TMEM108: variants seen among roughly 807,000 people sequenced by gnomAD.
TMEM108 encodes the protein transmembrane protein 108.
Under a neutral mutation model 35.1 loss-of-function variants are expected in TMEM108, and 12 were observed. That is an observed-to-expected ratio of 0.34 (90% CI 0.22 to 0.55). The LOEUF is 0.55. TMEM108 is among the 20% of genes least tolerant of loss of function. The probability of loss-of-function intolerance (pLI) is 0.89; values close to 1 mark genes in which losing one functional copy is unlikely to be tolerated. For synonymous variants in TMEM108, 287 were observed against 308.6 expected, an observed-to-expected ratio of 0.93 and a Z score of 0.73; for missense variants, 680 against 753.3, an observed-to-expected ratio of 0.90 and a Z score of 1.14.
At position 133,375,908 on chromosome 3, in the gene TMEM108, C is replaced by A. The variant is rs114756307; in HGVS notation, c.41-3844C>A. Among the ~76,000 whole-genome samples, 989 of 152,294 alleles carry A rather than the reference C, an allele frequency of 6.5e-3. 8 individuals carry two copies. The highest frequency in any genetic ancestry group is 0.021 in the African/African-American group (893 of 41,548). On this transcript the variant is annotated intron_variant, in intron 3 of 5. Transcript: ENST00000321871. Reference sequence around the variant, plus strand: ...AGGTGAAATGCCAGATCCCCTCTCACTGTAACATGTAAACATCATCCTCCA... The same window carrying A: ...AGGTGAAATGCCAGATCCCCTCTCAATGTAACATGTAAACATCATCCTCCA...
chr3:133,359,201 T>G (rs144584129), intron 3 of TMEM108, among the ~76,000 whole-genome samples: 1,693 of 152,336 alleles, frequency 0.011, 28 homozygotes, highest in African/African-American at 0.039. Context: ...ATTCTCATTC[T>G]GCAAAATGTT....
intron 3 of TMEM108, among the ~76,000 whole-genome samples, chr3:133,278,579 G>A (rs1478567007): frequency 1.3e-5 from 2 of 152,096 alleles, no homozygotes; most frequent in African/African-American, 4.8e-5. Flanking sequence ...AAACCTGTAC[G>A]GCATGTTACT....
chr3:133,067,769 A>G (rs993115902), intron 2 of TMEM108, among the ~76,000 whole-genome samples: 1 of 152,198 alleles, frequency 6.6e-6, no homozygotes, highest in Non-Finnish European at 1.5e-5. Flanking sequence ...GCTGAGATGA[A>G]TAACATGGAA....
intron 3 of TMEM108, among the ~76,000 whole-genome samples, chr3:133,361,544 A>G (rs1216854540): frequency 6.6e-6 from 1 of 152,210 alleles, no homozygotes; most frequent in Non-Finnish European, 1.5e-5. Flanking sequence ...CAATCTGGAA[A>G]ATACTTAGTG....
At chr3:133,321,707 C>T (rs2071269867) in intron 3 of TMEM108, among the ~76,000 whole-genome samples, 1 of 152,224 alleles carries the variant, frequency 6.6e-6, no homozygotes, top group East Asian at 1.9e-4. Context: ...AACATTCTAC[C>T]CAATAACTGC....
At chr3:133,326,696 G>A (rs1292518972) in intron 3 of TMEM108, among the ~76,000 whole-genome samples, 1 of 152,162 alleles carries the variant, frequency 6.6e-6, no homozygotes, top group African/African-American at 2.4e-5. Flanking sequence ...CTAAAGGAAG[G>A]AACCGTACTT....
chr3:133,389,640 T>C, intron 4 of TMEM108: 1 of 144,148 alleles, frequency 6.9e-6, no homozygotes, highest in Non-Finnish European at 1.5e-5. Flanking sequence ...GAGCCAAGAT[T>C]GCGCCACTGC....
At chr3:133,217,179 G>A (rs1945921490) in intron 2 of TMEM108, among the ~76,000 whole-genome samples, 1 of 151,946 alleles carries the variant, frequency 6.6e-6, no homozygotes, top group South Asian at 2.1e-4. Context: ...TGTTGTTAGT[G>A]TACAGTGATG....
intron 3 of TMEM108, among the ~76,000 whole-genome samples, chr3:133,276,965 G>A (rs1325312586): frequency 6.6e-6 from 1 of 152,106 alleles, no homozygotes; most frequent in Non-Finnish European, 1.5e-5. Flanking sequence ...CATTCAGTGG[G>A]GTACACTCAG....
chr3:133,146,875 C>T (rs1484686633), intron 2 of TMEM108, among the ~76,000 whole-genome samples: 1 of 152,012 alleles, frequency 6.6e-6, no homozygotes, highest in African/African-American at 2.4e-5. Context: ...ATTAATCTGG[C>T]TAGTGGTCTA....
intron 3 of TMEM108, among the ~76,000 whole-genome samples, chr3:133,251,106 T>C (rs988179387): frequency 2.0e-5 from 3 of 152,194 alleles, no homozygotes; most frequent in African/African-American, 4.8e-5. Flanking sequence ...CCATGATCAG[T>C]CATTCTGTAA....
chr3:133,201,131 C>T (rs550856883), intron 2 of TMEM108, among the ~76,000 whole-genome samples: 3 of 152,256 alleles, frequency 2.0e-5, no homozygotes, highest in South Asian at 2.1e-4. Context: ...CCAGAACTTA[C>T]ATTTTAATTT....
At chr3:133,048,303 C>T (rs1354129605) in intron 2 of TMEM108, among the ~76,000 whole-genome samples, 1 of 152,112 alleles carries the variant, frequency 6.6e-6, no homozygotes, top group South Asian at 2.1e-4. Context: ...ACAGTAAAGA[C>T]CAGAGAATGT....
At chr3:133,106,185 T>C (rs960089759) in intron 2 of TMEM108, among the ~76,000 whole-genome samples, 1 of 151,362 alleles carries the variant, frequency 6.6e-6, no homozygotes, top group Admixed American at 6.6e-5. Context: ...GTTTTTTTTT[T>C]TTTTTTTTTT....
At position 133,158,482 on chromosome 3, in the gene TMEM108, A is replaced by G. The variant is rs552345014; in HGVS notation, c.-46-70784A>G. 3.4e-3 allele frequency among the ~76,000 whole-genome samples: 510 copies of G among 151,710 alleles called. 4 individuals are homozygous for G. The highest frequency in any genetic ancestry group is 0.012 in the African/African-American group (484 of 41,424). On this transcript the variant is annotated intron_variant, in intron 2 of 5. Transcript: ENST00000321871. ...ACTCTGTCTAAAAAAAAAAAAAAAA[A>G]AAAAAAAGAAAAGAAAGAAATTGTT...
intron 3 of TMEM108, among the ~76,000 whole-genome samples, chr3:133,308,379 C>T (rs558439844): frequency 2.6e-4 from 40 of 152,218 alleles, no homozygotes; most frequent in African/African-American, 7.0e-4. Context: ...TTACCCTGGC[C>T]AGAACTTCCA....
intron 2 of TMEM108, among the ~76,000 whole-genome samples, chr3:133,122,629 G>A (rs564739506): frequency 1.5e-4 from 23 of 152,232 alleles, no homozygotes; most frequent in African/African-American, 4.8e-4. Flanking sequence ...ACTTTGGGAG[G>A]CTGAGGTGGA....
At chr3:133,221,532 T>C (rs1383885463) in intron 2 of TMEM108, among the ~76,000 whole-genome samples, 4 of 152,182 alleles carry the variant, frequency 2.6e-5, no homozygotes, top group Non-Finnish European at 4.4e-5. Flanking sequence ...TTTACAGACT[T>C]ACTACTGTCA....
chr3:133,205,887 G>C (rs1414540436), intron 2 of TMEM108, among the ~76,000 whole-genome samples: 1 of 152,206 alleles, frequency 6.6e-6, no homozygotes, highest in Non-Finnish European at 1.5e-5. Context: ...ATATCCTGAA[G>C]AGTGTTTTCC....
Sources: gnomAD v4.1 joint callset for allele counts (sites outside exome capture counted in the v4.1 genomes callset) on GRCh38, gnomAD v4.1.1 for gene constraint, MANE v1.5 for transcripts, NCBI Gene and HGNC (gene_info 2026-07-23, HGNC 2026-07-21) for gene names.